Variants in COMP observed in about 807,000 individuals in gnomAD.
The protein encoded by COMP is cartilage oligomeric matrix protein.
A neutral mutation model predicts 95.8 loss-of-function variants in COMP; 79 were observed. The ratio of observed to expected loss-of-function variants is 0.82; its 90% CI spans 0.69 to 0.99. COMP has a LOEUF of 0.99. COMP is among the 50% of genes least tolerant of loss of function. The probability of loss-of-function intolerance (pLI) is 0.00; values close to 1 mark genes in which losing one functional copy is unlikely to be tolerated. For missense variants in COMP, 906 were observed against 1,076.1 expected (o/e 0.84, Z 2.21); for synonymous variants, 438 against 433.9 (o/e 1.01, Z -0.12).
chr19:18,785,786 C>T lies in COMP; in HGVS notation c.1555G>A (p.Val519Met), dbSNP rs779933113. Residue 519 changes from valine (V) to methionine (M), a missense_variant, in exon 14 of 19, where the codon GTG becomes ATG. Coordinates refer to ENST00000222271, the MANE Select transcript of COMP (RefSeq NM_000095.3). ...DADKVVDKID[V>M]CPENAEVTLT... ...GTGACTTCAGCGTTCTCCGGACACA[C>T]GTCGATCTTGTCTACCACCTTGTCT... The T allele has an allele frequency of 2.5e-6, 4 of 1,613,382 alleles. No individual in the cohort carries two copies. The highest frequency in any genetic ancestry group is 4.5e-5 in the East Asian group (2 of 44,864).
chr19:18,790,411 C>G, intron 3 of COMP, 151 bp downstream of exon 3: 1 of 1,007,794 alleles, frequency 9.9e-7, no homozygotes, highest in Non-Finnish European at 1.6e-6. Flanking sequence ...TTCTACACAC[C>G]CCATCCCATT....
intron 13 of COMP, 32 bp downstream of exon 13, chr19:18,785,933 C>T: frequency 6.4e-7 from 1 of 1,571,586 alleles, no homozygotes; most frequent in Non-Finnish European, 8.6e-7. Context: ...CCACTGGCCC[C>T]GCCCCCACCG....
chr19:18,786,481 C>A, intron 11 of COMP, 51 bp downstream of exon 11: 1 of 1,561,544 alleles, frequency 6.4e-7, no homozygotes, highest in Non-Finnish European at 8.8e-7. Context: ...GGTAATCCAA[C>A]TTGCAGTTCA....
chr19:18,790,989 C>A, intron 1 of COMP, 54 bp from the exon 2 acceptor site: 1 of 1,542,516 alleles, frequency 6.5e-7, no homozygotes, highest in South Asian at 1.2e-5. Flanking sequence ...ATCCCACCAC[C>A]AACTCCCACC....
intron 3 of COMP, 109 bp from the exon 4 acceptor site, chr19:18,790,223 C>T: frequency 1.2e-6 from 1 of 865,026 alleles, no homozygotes; most frequent in Non-Finnish European, 1.7e-6. Context: ...CCCCCCCACC[C>T]CCCGCCCCGG....
In COMP at chr19:18,786,455, G is replaced by C. The variant is rs1318051586; in HGVS notation, c.1254+77C>G. On this transcript the variant is annotated intron_variant, in intron 11 of 18. Coordinates refer to ENST00000222271, the MANE Select transcript of COMP (RefSeq NM_000095.3). ...TCTCTGGCAGTGTAAAATGCTCTAA[G>C]CTGGGCTGTGGGCTGGGTAATCCAA... 5 of 1,530,416 alleles carry C rather than the reference G, an allele frequency of 3.3e-6. No homozygotes were observed. The African/African-American group carries it at 5.5e-5, about 17-fold the overall frequency. 94.8% of individuals were successfully genotyped at this position (1,530,416 alleles called of 1,614,324 possible). A position where few individuals can be genotyped will look rare whatever the true frequency, so the allele number is the denominator to read the frequency against.
At chr19:18,786,696 A>G (rs1212368711) in intron 10 of COMP, 46 bp from the exon 11 acceptor site, 1 of 1,465,452 alleles carries the variant, frequency 6.8e-7, no homozygotes, top group Non-Finnish European at 9.5e-7. Flanking sequence ...GGACCAGGCC[A>G]GAATGACTTC....
intron 11 of COMP, 92 bp downstream of exon 11, chr19:18,786,440 T>C: frequency 6.6e-7 from 1 of 1,521,118 alleles, no homozygotes; most frequent in Non-Finnish European, 9.1e-7. Context: ...TCTCTGGCAG[T>C]GTAAAATGCT....
Position 18,785,087 on chromosome 19 carries a change from T to A in COMP, c.1723A>T (p.Thr575Ser). Residue 575 changes from threonine (T) to serine (S), a missense_variant, in exon 16 of 19, where the codon ACT (threonine) becomes TCT (serine). By Grantham distance (58) the Thr-to-Ser change is moderately conservative (BLOSUM62 1). Coordinates refer to ENST00000222271, the MANE Select transcript of COMP (RefSeq NM_000095.3). ...TCGAAGTCCACGCCATTGAAGGCAG[T>A]GTAACCTAGGGATGGAAAGAGAGCA... Reference protein sequence around the residue: ...NSDPGLAVGYTAFNGVDFEGT... With the variant: ...NSDPGLAVGYSAFNGVDFEGT... 3 of 1,613,958 alleles carry A rather than the reference T, an allele frequency of 1.9e-6. No individual in the cohort carries two copies. Among genetic ancestry groups the A allele is most frequent in the Non-Finnish European group, 1.7e-6 (2 of 1,179,972 alleles).
Position 18,786,628 on chromosome 19 carries a change from G to C in COMP, c.1158C>G (p.Asn386Lys), listed in dbSNP as rs2055169293. ...GGTCTGAGTTGGGTACCCTAGGGCA[G>C]TTGTCGGCCTGGTTGCGGATCCCTG... ...DGDRIRNQAD[N>K]CPRVPNSDQK... is the part of the protein sequence containing the mutation. Residue 386 changes from asparagine (N) to lysine (K), a missense_variant, in exon 11 of 19, where the codon AAC becomes AAG. Asn to Lys is a moderately conservative substitution (Grantham distance 94). Transcript: ENST00000222271. 1.2e-6 allele frequency: 2 copies of C among 1,613,990 alleles called. No homozygotes were observed. The highest frequency in any genetic ancestry group is 2.7e-5 in the African/African-American group (2 of 74,920).
chr19:18,784,355 C>T lies in COMP; in HGVS notation c.1923G>A (p.Lys641=). 6.2e-7 allele frequency: 1 copy of T among 1,613,940 alleles called. No homozygotes were observed. Among genetic ancestry groups the T allele is most frequent in the Non-Finnish European group, 8.5e-7 (1 of 1,180,044 alleles). ...GCTGTTCCCCGGGGCCTGTGGAAGA[C>T]TTCACAGCCTGCCAATACCCAGGAA... ...AEPGIQLKAV[K]SSTGPGEQLR... Residue 641 remains lysine (K), a synonymous_variant, in exon 17 of 19, where the codon AAG becomes AAA. Coordinates refer to ENST00000222271, the MANE Select transcript of COMP (RefSeq NM_000095.3). The surrounding 1 kb of genome is among the most constrained non-coding windows in gnomAD (Gnocchi z 4.9).
Position 18,790,578 on chromosome 19 carries a change from C to A in COMP, c.201G>T (p.Met67Ile). The part of the protein sequence containing the change: ...REITFLKNTV[M>I]ECDACGMQQS... ...CGCGCTCACCGCACGCGTCACACTCCATCACCGTGTTTTTCAGGAACGTGA... is the reference window on the plus strand; with the variant it reads ...CGCGCTCACCGCACGCGTCACACTCAATCACCGTGTTTTTCAGGAACGTGA... The change falls in exon 3 of 19, where the codon ATG becomes ATT. Residue 67 changes from methionine to isoleucine, a missense_variant. Met to Ile is a conservative substitution (Grantham distance 10, BLOSUM62 1). Coordinates refer to ENST00000222271, the MANE Select transcript of COMP (RefSeq NM_000095.3). 1.2e-6 allele frequency: 2 copies of A among 1,613,998 alleles called. No individual in the cohort carries two copies. Among genetic ancestry groups the A allele is most frequent in the Non-Finnish European group, 1.7e-6 (2 of 1,179,912 alleles).
At chr19:18,790,393 GTC>G (rs776861201) in intron 3 of COMP, among the ~76,000 whole-genome samples, 167 bp downstream of exon 3, 8 of 152,000 alleles carry the variant, frequency 5.3e-5, no homozygotes, top group South Asian at 2.1e-4. Context: ...GTCTCTTTTT[GTC>G]TCTGTTTCTA....
chr19:18,782,925 C>G lies in COMP; in HGVS notation c.2264G>C (p.Arg755Pro), dbSNP rs756579573. 5 of 1,611,926 alleles carry G rather than the reference C, an allele frequency of 3.1e-6. No homozygotes were observed. Among genetic ancestry groups the G allele is most frequent in the Non-Finnish European group, 2.5e-6 (3 of 1,179,982 alleles). The change falls in exon 19 of 19, where the codon CGG (arginine) becomes CCG (proline). Residue 755 changes from arginine to proline, a missense_variant. Coordinates refer to ENST00000222271, the MANE Select transcript of COMP (RefSeq NM_000095.3). ...IPEDYETHQL[R>P]QA ...TCCTCACCCTGGTCCCTAGGCTTGCCGCAGCTGATGGGTCTCATAGTCCTC... is the reference window on the plus strand; with the variant it reads ...TCCTCACCCTGGTCCCTAGGCTTGCGGCAGCTGATGGGTCTCATAGTCCTC...
intron 15 of COMP, 147 bp from the exon 16 acceptor site, chr19:18,785,239 C>A: frequency 1.1e-6 from 1 of 930,576 alleles, no homozygotes. Flanking sequence ...CTCAGCCACG[C>A]CCCCCATCTA....
chr19:18,785,680 A>G lies in COMP; in HGVS notation c.1661T>C (p.Leu554Pro). The change falls in exon 14 of 19, where the codon CTC becomes CCC. Residue 554 changes from leucine to proline, a missense_variant. Leu to Pro is a moderately conservative substitution (Grantham distance 98). Transcript: ENST00000222271. ...DAQIDPNWVV[L>P]NQGREIVQTM... The stretch of plus-strand genomic sequence containing the variant: ...CGTGGACCCCGCTCCCACCTGGTTG[A>G]GCACCACCCAGTTGGGGTCAATCTG... 1.2e-6 allele frequency: 2 copies of G among 1,613,224 alleles called. No individual in the cohort carries two copies. Among genetic ancestry groups the G allele is most frequent in the South Asian group, 1.1e-5 (1 of 91,070 alleles).
In COMP at chr19:18,788,176, A is replaced by G; in HGVS notation, c.975+36T>C. On this transcript the variant is annotated intron_variant, in intron 9 of 18. Transcript: ENST00000222271. This position sits in a 1 kb window ranked among gnomAD's most constrained non-coding sequence, Gnocchi z 4.7. ...CTCGGCCTCCCAAAGTGCTGGGATT[A>G]CAGGAGTGAACCACCGTGCCGAGCC... The G allele has an allele frequency of 6.4e-7, 1 of 1,554,900 alleles. No individual in the cohort carries two copies. The highest frequency in any genetic ancestry group is 1.1e-5 in the South Asian group (1 of 89,526).
chr19:18,791,037 T>A (rs2055209796), intron 1 of COMP, 102 bp from the exon 2 acceptor site: 1 of 1,512,368 alleles, frequency 6.6e-7, no homozygotes, highest in African/African-American at 1.4e-5. Context: ...CCCACTGCGC[T>A]CCTCTAGTCT....
At chr19:18,785,465 C>G (rs557134436) in intron 15 of COMP, 33 bp downstream of exon 15, 2 of 1,612,266 alleles carry the variant, frequency 1.2e-6, no homozygotes, top group African/African-American at 2.7e-5. Context: ...GAGCCCGCTC[C>G]GTGGCAGGAT....
Sources: gnomAD v4.1 joint callset for allele counts (sites outside exome capture counted in the v4.1 genomes callset) on GRCh38, gnomAD v4.1.1 for gene constraint, Gnocchi (gnomAD v3.1) non-coding constraint, MANE v1.5 for transcripts, NCBI Gene and HGNC (gene_info 2026-07-23, HGNC 2026-07-21) for gene names.